AGBL4: variants seen among roughly 807,000 people sequenced by gnomAD.
AGBL4 encodes AGBL carboxypeptidase 4.
AGBL4 carries 58 observed loss-of-function variants against 66.4 expected under a neutral mutation model. That is an observed-to-expected ratio of 0.87 (90% CI 0.71 to 1.09). The LOEUF is 1.09. Ranked by LOEUF, AGBL4 falls within the 50% of genes least tolerant of loss-of-function variation. The pLI is 0.00. For synonymous variants in AGBL4, 234 were observed against 222.9 expected, an observed-to-expected ratio of 1.05 and a Z score of -0.44; for missense variants, 579 against 631.0, an observed-to-expected ratio of 0.92 and a Z score of 0.88.
intron 1 of AGBL4, among the ~76,000 whole-genome samples, chr1:49,870,757 G>C (rs1439251223): frequency 6.6e-6 from 1 of 151,744 alleles, no homozygotes; most frequent in Non-Finnish European, 1.5e-5. Context: ...CTAGTCATTA[G>C]GGAAATGCAA....
intron 6 of AGBL4, among the ~76,000 whole-genome samples, chr1:48,670,481 C>T (rs1034556955): frequency 1.3e-5 from 2 of 152,218 alleles, no homozygotes; most frequent in African/African-American, 4.8e-5. Context: ...TGAAGAAAAG[C>T]TGAAAAGTGA....
At chr1:48,617,931 C>T (rs559310001) in intron 9 of AGBL4, among the ~76,000 whole-genome samples, 21 of 152,324 alleles carry the variant, frequency 1.4e-4, no homozygotes, top group Non-Finnish European at 2.9e-4. Context: ...TACCTTGCCA[C>T]TCCTGTTCCT....
intron 2 of AGBL4, among the ~76,000 whole-genome samples, chr1:49,756,066 G>A (rs1651863026): frequency 6.6e-6 from 1 of 151,856 alleles, no homozygotes; most frequent in African/African-American, 2.4e-5. Context: ...TTTATACTCA[G>A]TACTCTTCAA....
intron 3 of AGBL4, among the ~76,000 whole-genome samples, chr1:49,655,766 TG>T (rs1242399500): frequency 1.3e-5 from 2 of 152,188 alleles, no homozygotes; most frequent in Non-Finnish European, 2.9e-5. Context: ...ATCCAGGAGC[TG>T]GTTTTTTGAA....
chr1:49,045,854 A>T, intron 4 of AGBL4, 54 bp from the exon 5 acceptor site: 1 of 1,409,074 alleles, frequency 7.1e-7, no homozygotes. Context: ...TTCAAGCTTC[A>T]AAAGGTAATA....
chr1:49,914,562 T>A (rs933391174), intron 1 of AGBL4, among the ~76,000 whole-genome samples: 4 of 152,336 alleles, frequency 2.6e-5, no homozygotes, highest in African/African-American at 9.6e-5. Context: ...AGAATCACCC[T>A]TACTGCTTCT....
intron 3 of AGBL4, among the ~76,000 whole-genome samples, chr1:49,416,127 G>C (rs565540616): frequency 6.6e-6 from 1 of 152,136 alleles, no homozygotes; most frequent in African/African-American, 2.4e-5. Flanking sequence ...AAAATGGTTT[G>C]CTGTTGTTTT....
intron 3 of AGBL4, among the ~76,000 whole-genome samples, chr1:49,311,588 C>A (rs929469723): frequency 2.0e-5 from 3 of 151,932 alleles, no homozygotes; most frequent in Non-Finnish European, 2.9e-5. Flanking sequence ...ATAAAGTTAT[C>A]CAAACTATAC....
intron 1 of AGBL4, among the ~76,000 whole-genome samples, chr1:49,891,393 G>T (rs1321696872): frequency 6.6e-6 from 1 of 152,126 alleles, no homozygotes; most frequent in Non-Finnish European, 1.5e-5. Context: ...CTGCTCAAGG[G>T]ATGTTTAACA....
At chr1:49,136,746 A>T (rs982070350) in intron 4 of AGBL4, among the ~76,000 whole-genome samples, 3 of 152,168 alleles carry the variant, frequency 2.0e-5, no homozygotes, top group East Asian at 3.8e-4. Context: ...TAATGAAAAA[A>T]CATAAATACA....
chr1:49,121,650 G>A (rs945530860), intron 4 of AGBL4, among the ~76,000 whole-genome samples: 1 of 152,198 alleles, frequency 6.6e-6, no homozygotes, highest in African/African-American at 2.4e-5. Context: ...TCCCAGTTAG[G>A]CTACACAGGA....
intron 5 of AGBL4, among the ~76,000 whole-genome samples, chr1:49,038,394 C>T (rs554144249): frequency 2.0e-5 from 3 of 152,126 alleles, no homozygotes; most frequent in Admixed American, 2.0e-4. Context: ...CTGAACATAA[C>T]CTCAGCCCAA....
chr1:49,511,687 C>T (rs896073602), intron 3 of AGBL4, among the ~76,000 whole-genome samples: 32 of 151,622 alleles, frequency 2.1e-4, no homozygotes, highest in African/African-American at 7.5e-4. Flanking sequence ...CTGCCTTCTT[C>T]TTGGGAGAAG....
chr1:49,069,142 G>A (rs1228626525), intron 4 of AGBL4, among the ~76,000 whole-genome samples: 2 of 152,152 alleles, frequency 1.3e-5, no homozygotes, highest in Non-Finnish European at 2.9e-5. Context: ...CCCTTTGTCA[G>A]ATGGCTAGAT....
chr1:49,361,857 T>A (rs958661472), intron 3 of AGBL4, among the ~76,000 whole-genome samples: 9 of 152,116 alleles, frequency 5.9e-5, no homozygotes, highest in African/African-American at 1.9e-4. Flanking sequence ...TTTTAAAGTT[T>A]ACCTCCAACC....
intron 3 of AGBL4, among the ~76,000 whole-genome samples, chr1:49,380,072 C>T (rs2148571413): frequency 6.6e-6 from 1 of 152,260 alleles, no homozygotes; most frequent in African/African-American, 2.4e-5. Context: ...TCCCTGTTTG[C>T]AGACGACATG....
intron 2 of AGBL4, among the ~76,000 whole-genome samples, chr1:49,709,917 C>A (rs1558182401): frequency 1.3e-5 from 2 of 151,712 alleles, no homozygotes; most frequent in Non-Finnish European, 2.9e-5. Context: ...GTTAGAATGG[C>A]AATCATTAAA....
At chr1:49,059,519 T>C (rs1344285469) in intron 4 of AGBL4, among the ~76,000 whole-genome samples, 1 of 152,218 alleles carries the variant, frequency 6.6e-6, no homozygotes, top group East Asian at 1.9e-4. Context: ...TTGGAGCCCC[T>C]ACACAGAGTT....
intron 6 of AGBL4, among the ~76,000 whole-genome samples, chr1:48,671,718 A>C (rs1036013549): frequency 2.6e-5 from 4 of 152,256 alleles, no homozygotes; most frequent in African/African-American, 9.6e-5. Flanking sequence ...ACAGATGCAG[A>C]AAGTGAGGTC....
Sources: allele counts gnomAD v4.1 joint callset (sites outside exome capture counted in the v4.1 genomes callset), GRCh38; gene constraint gnomAD v4.1.1; transcripts MANE v1.5; gene names NCBI Gene and HGNC (gene_info 2026-07-23, HGNC 2026-07-21).